KCNA2: variants seen among roughly 807,000 people sequenced by gnomAD.
KCNA2 encodes the protein potassium voltage-gated channel subfamily A member 2, also known as potassium channel, voltage gated shaker related subfamily A, member 2.
Under a neutral mutation model 33.4 loss-of-function variants are expected in KCNA2, and 11 were observed. The observed-to-expected ratio is 0.33, with a 90% CI of 0.21 to 0.55. The LOEUF is 0.55. Among genes scored for constraint, KCNA2 ranks in the 20% least tolerant of loss-of-function variants. The probability of loss-of-function intolerance (pLI) is 0.93; values close to 1 mark genes in which losing one functional copy is unlikely to be tolerated. For synonymous variants in KCNA2, 222 were observed against 231.3 expected (o/e 0.96, Z 0.37); for missense variants, 291 against 621.6 (o/e 0.47, Z 5.66).
chr1:110,616,237 C>T (rs1650061058), intron 1 of KCNA2, among the ~76,000 whole-genome samples: 1 of 152,222 alleles, frequency 6.6e-6, no homozygotes, highest in South Asian at 2.1e-4. Context: ...GCATCTGTAG[C>T]CCCTGGCCCA....
In KCNA2 at chr1:110,604,522, G is replaced by A. The variant is rs749146957; in HGVS notation, c.261C>T (p.Ala87=). 6.2e-7 allele frequency: 1 copy of A among 1,614,206 alleles called. No homozygotes were observed. Among genetic ancestry groups the A allele is most frequent in the Admixed American group, 1.7e-5 (1 of 60,030 alleles). The change falls in exon 3 of 3, where the codon GCC becomes GCT. Residue 87 remains alanine (A), a synonymous_variant. Transcript: ENST00000316361. The surrounding 1 kb of genome is among the most constrained non-coding windows in gnomAD (Gnocchi z 7.6). ...CCCCTGACTGGTAGTAGTACAAAAT[G>A]GCATCAAAGCTAGGGCGGTTCCGAT... ...FFDRNRPSFD[A]ILYYYQSGGR...
intron 1 of KCNA2, among the ~76,000 whole-genome samples, chr1:110,625,711 A>G (rs1440669195): frequency 3.3e-5 from 5 of 152,234 alleles, no homozygotes; most frequent in African/African-American, 1.2e-4. Flanking sequence ...ACAAATGGCT[A>G]ATCTTCATAT....
chr1:110,595,194 A>C lies in KCNA2; in HGVS notation c.*8089T>G. On this transcript the variant is annotated 3_prime_UTR_variant, in exon 3 of 3. Coordinates refer to ENST00000316361, the MANE Select transcript of KCNA2 (RefSeq NM_004974.4). The stretch of plus-strand genomic sequence containing the variant: ...TTGCAGTAGCTGTCCACATTATTAC[A>C]TAATCATGCCCTGTGCATCCATCAG... The C allele has an allele frequency of 1.0e-6, 1 of 985,448 alleles. No homozygotes were observed. The highest frequency in any genetic ancestry group is 1.2e-6 in the Non-Finnish European group (1 of 829,936). The allele number at this position is 985,448 out of a possible 1,614,324, so 61.0% of individuals were successfully genotyped here. A position where few individuals can be genotyped will look rare whatever the true frequency, so the allele number is the denominator to read the frequency against.
At chr1:110,629,095 G>A (rs1557742265) in intron 1 of KCNA2, among the ~76,000 whole-genome samples, 1 of 152,166 alleles carries the variant, frequency 6.6e-6, no homozygotes, top group Non-Finnish European at 1.5e-5. Context: ...AATGTTGGCT[G>A]CATATTAGAA....
At chr1:110,630,563 AATC>A (rs1326389087) in intron 1 of KCNA2, among the ~76,000 whole-genome samples, 1 of 152,150 alleles carries the variant, frequency 6.6e-6, no homozygotes, top group African/African-American at 2.4e-5. Context: ...TATTACCCAA[AATC>A]ATCATGTCAT....
chr1:110,608,482 A>G (rs1044075674), upstream of KCNA2, among the ~76,000 whole-genome samples: 1 of 151,964 alleles, frequency 6.6e-6, no homozygotes, highest in African/African-American at 2.4e-5. Context: ...CCTCCTCTCT[A>G]TGCGTGTACC....
chr1:110,626,262 G>T (rs1052347962), intron 1 of KCNA2, among the ~76,000 whole-genome samples: 2 of 152,142 alleles, frequency 1.3e-5, no homozygotes, highest in African/African-American at 4.8e-5. Flanking sequence ...GGACTACTAT[G>T]CTACTATAAA....
In KCNA2 at chr1:110,603,388, T is replaced by C. The variant is rs762706151; in HGVS notation, c.1395A>G (p.Val465=). Residue 465 remains valine (V), a synonymous_variant, in exon 3 of 3, where the codon GTA becomes GTG. Coordinates refer to ENST00000316361, the MANE Select transcript of KCNA2 (RefSeq NM_004974.4). The surrounding 1 kb of genome is among the most constrained non-coding windows in gnomAD (Gnocchi z 5.7). ...CTCTAAAGTCCTCATTACTGTTATT[T>C]ACACCCTCCTGGATCTCCATGTAAT... ...KSDYMEIQEG[V]NNSNEDFREE... is the part of the protein sequence containing the mutation. 1 of 1,614,234 alleles carries C rather than the reference T, an allele frequency of 6.2e-7. No homozygotes were observed. Among genetic ancestry groups the C allele is most frequent in the Admixed American group, 1.7e-5 (1 of 60,030 alleles).
Position 110,598,854 on chromosome 1 carries a change from T to C in KCNA2, c.*4429A>G. 1.0e-6 allele frequency: 1 copy of C among 985,304 alleles called. No individual in the cohort carries two copies. The highest frequency in any genetic ancestry group is 1.2e-6 in the Non-Finnish European group (1 of 829,908). 61.0% of individuals were successfully genotyped at this position (985,304 alleles called of 1,614,324 possible). A position where few individuals can be genotyped will look rare whatever the true frequency, so the allele number is the denominator to read the frequency against. ...AATTAAATGTTGGCTCCTAAAAAGT[T>C]TACTCTGAAATTTGACCCACTCAGC... On this transcript the variant is annotated 3_prime_UTR_variant, in exon 3 of 3. Transcript: ENST00000316361.
Position 110,598,001 on chromosome 1 carries a change from G to T in KCNA2, c.*5282C>A. On this transcript the variant is annotated 3_prime_UTR_variant, in exon 3 of 3. Coordinates refer to ENST00000316361, the MANE Select transcript of KCNA2 (RefSeq NM_004974.4). ...GGGAACAGGGTTGGACTCAACAAGG[G>T]CTAAGTCTGAAGATATAGATGATGG... 1 of 985,362 alleles carries T rather than the reference G, an allele frequency of 1.0e-6. No individual in the cohort carries two copies. The highest frequency in any genetic ancestry group is 1.2e-6 in the Non-Finnish European group (1 of 829,926). 61.0% of individuals were successfully genotyped at this position (985,362 alleles called of 1,614,324 possible).
rs1473692888 is a variant in KCNA2 at position 110,615,800 on chromosome 1, G to A, written c.-495-10078C>T. 5.3e-5 allele frequency among the ~76,000 whole-genome samples: 8 copies of A among 152,302 alleles called. No homozygotes were observed. In the East Asian group the frequency reaches 9.7e-4, roughly 18 times the overall value. On this transcript the variant is annotated intron_variant, in intron 1 of 4. Transcript: ENST00000369770. ...GTGGAAGAGAGCCTGGGGCACAAAC[G>A]ACAGCTAGGAGGAGGGACAGAGGGT...
In KCNA2 at chr1:110,593,673, C is replaced by T; in HGVS notation, c.*9610G>A. 2.5e-6 allele frequency: 1 copy of T among 398,700 alleles called. No individual in the cohort carries two copies. The highest frequency in any genetic ancestry group is 4.4e-6 in the Non-Finnish European group (1 of 227,342). The allele number at this position is 398,700 out of a possible 1,614,324, so 24.7% of individuals were successfully genotyped here. A position where few individuals can be genotyped will look rare whatever the true frequency, so the allele number is the denominator to read the frequency against. Reference sequence around the variant, plus strand: ...TATTTATATACTTATTTACTTGTGTCAATATTTACAAAAGACTGTGGAGCT... The same window carrying T: ...TATTTATATACTTATTTACTTGTGTTAATATTTACAAAAGACTGTGGAGCT... On this transcript the variant is annotated 3_prime_UTR_variant, in exon 3 of 3. Transcript: ENST00000316361.
chr1:110,610,146 C>T (rs1016810070), upstream of KCNA2, among the ~76,000 whole-genome samples: 2 of 152,228 alleles, frequency 1.3e-5, no homozygotes, highest in African/African-American at 4.8e-5. Context: ...GTTTGGTTTC[C>T]TGCTTGAGAG....
chr1:110,600,506 T>C lies in KCNA2; in HGVS notation c.*2777A>G, dbSNP rs1649294062. The C allele has an allele frequency of 2.0e-6, 2 of 985,218 alleles. No homozygotes were observed. Among genetic ancestry groups the C allele is most frequent in the Non-Finnish European group, 2.4e-6 (2 of 829,810 alleles). The allele number at this position is 985,218 out of a possible 1,614,324, so 61.0% of individuals were successfully genotyped here. A position where few individuals can be genotyped will look rare whatever the true frequency, so the allele number is the denominator to read the frequency against. On this transcript the variant is annotated 3_prime_UTR_variant, in exon 3 of 3. Coordinates refer to ENST00000316361, the MANE Select transcript of KCNA2 (RefSeq NM_004974.4). ...TACAATTATAACCATATATCTTCTG[T>C]GTTTGCTTTTATGTTAACCTGGTCT...
rs1039392914 is a variant in KCNA2 at position 110,601,540 on chromosome 1, G to A, written c.*1743C>T. 6.1e-6 allele frequency: 6 copies of A among 986,784 alleles called. No individual in the cohort carries two copies. The highest frequency in any genetic ancestry group is 7.2e-6 in the Non-Finnish European group (6 of 830,898). 61.1% of individuals were successfully genotyped at this position (986,784 alleles called of 1,614,324 possible). A position where few individuals can be genotyped will look rare whatever the true frequency, so the allele number is the denominator to read the frequency against. ...GACAGCTGGAACTGTGAGGGCCACA[G>A]GGCCCTTGTGCACTCAGTAAGACAA... On this transcript the variant is annotated 3_prime_UTR_variant, in exon 3 of 3. Coordinates refer to ENST00000316361, the MANE Select transcript of KCNA2 (RefSeq NM_004974.4).
In KCNA2 at chr1:110,594,578, G is replaced by A; in HGVS notation, c.*8705C>T. On this transcript the variant is annotated 3_prime_UTR_variant, in exon 3 of 3. Transcript: ENST00000316361. ...AAACCAGGAAGAGGCCAATTTGGCT[G>A]GGGTATTGTTTGCTCAGCAGGCTAG... 2.0e-6 allele frequency: 2 copies of A among 985,380 alleles called. No homozygotes were observed. Among genetic ancestry groups the A allele is most frequent in the Non-Finnish European group, 1.2e-6 (1 of 829,938 alleles). The allele number at this position is 985,380 out of a possible 1,614,324, so 61.0% of individuals were successfully genotyped here.
At chr1:110,609,725 GA>G (rs892659841), upstream of KCNA2, among the ~76,000 whole-genome samples, 1 of 151,792 alleles carries the variant, frequency 6.6e-6, no homozygotes, top group Admixed American at 6.6e-5. Flanking sequence ...AAAGAAGGGG[GA>G]AAAAAAAGAA....
chr1:110,593,977 T>A lies in KCNA2; in HGVS notation c.*9306A>T. On this transcript the variant is annotated 3_prime_UTR_variant, in exon 3 of 3. Coordinates refer to ENST00000316361, the MANE Select transcript of KCNA2 (RefSeq NM_004974.4). ...ATAGTTAAATGACTCCCAACTCCCA[T>A]GAGTCTTCCCCGCAAGTCCTGCTCC... 1.9e-6 allele frequency: 3 copies of A among 1,548,794 alleles called. No individual in the cohort carries two copies. Among genetic ancestry groups the A allele is most frequent in the African/African-American group, 1.4e-5 (1 of 73,060 alleles).
At chr1:110,613,865 G>A (rs760453938) in intron 1 of KCNA2, among the ~76,000 whole-genome samples, 1 of 152,184 alleles carries the variant, frequency 6.6e-6, no homozygotes, top group Non-Finnish European at 1.5e-5. Context: ...TGTTCTCATA[G>A]AGTGGGTATA....
Sources: allele counts gnomAD v4.1 joint callset (sites outside exome capture counted in the v4.1 genomes callset), GRCh38; gene constraint gnomAD v4.1.1; non-coding constraint Gnocchi (gnomAD v3.1); transcripts MANE v1.5; gene names NCBI Gene and HGNC (gene_info 2026-07-23, HGNC 2026-07-21).